RNF213: variants seen among roughly 807,000 people sequenced by gnomAD.
The protein encoded by RNF213 is ring finger protein 213.
RNF213 carries 341 observed loss-of-function variants against 514.4 expected under a neutral mutation model. The ratio of observed to expected loss-of-function variants is 0.66; its 90% CI spans 0.61 to 0.73. RNF213 has a LOEUF of 0.73. Among genes scored for constraint, RNF213 ranks in the 30% least tolerant of loss-of-function variants. RNF213 has a pLI of 0.00. For synonymous variants in RNF213, 2,655 were observed against 2,658.2 expected (o/e 1.00, Z 0.04); for missense variants, 5,767 against 6,615.6 (o/e 0.87, Z 4.45).
intron 16 of RNF213, among the ~76,000 whole-genome samples, chr17:80,318,597 G>A (rs1251656771): frequency 6.6e-6 from 1 of 151,290 alleles, no homozygotes; most frequent in Non-Finnish European, 1.5e-5. Flanking sequence ...TTTTTGAGAC[G>A]GGGTCTCGCT....
chr17:80,312,780 C>G (rs1339728754), intron 14 of RNF213, among the ~76,000 whole-genome samples: 1 of 152,164 alleles, frequency 6.6e-6, no homozygotes, highest in Non-Finnish European at 1.5e-5. Context: ...GATGCCGTTC[C>G]CTCCCTCCCT....
chr17:80,366,337 C>T (rs1305535168), intron 42 of RNF213, among the ~76,000 whole-genome samples: 1 of 152,138 alleles, frequency 6.6e-6, no homozygotes, highest in Admixed American at 6.5e-5. Context: ...TCCACGGGGG[C>T]TGCAGCATCT....
At position 80,347,725 on chromosome 17, in the gene RNF213, C is replaced by T; in HGVS notation, c.9390C>T (p.Asp3130=). The part of the protein sequence containing the change: ...YVHLGGQKYV[D]LGLGTHRVKC... ...ACCTCGGCGGCCAGAAGTACGTGGA[C>T]CTCGGTCTGGGGACCCACCGCGTCA... Residue 3130 remains aspartate, a synonymous_variant, in exon 29 of 68, where the codon GAC becomes GAT. Transcript: ENST00000582970. This position sits in a 1 kb window ranked among gnomAD's most constrained non-coding sequence, Gnocchi z 7.2. The T allele has an allele frequency of 6.2e-7, 1 of 1,614,130 alleles. No individual in the cohort carries two copies. Among genetic ancestry groups the T allele is most frequent in the East Asian group, 2.2e-5 (1 of 44,886 alleles).
chr17:80,289,823 G>A lies in RNF213; in HGVS notation c.1098G>A (p.Gln366=). 1.2e-6 allele frequency: 2 copies of A among 1,610,428 alleles called. No homozygotes were observed. The highest frequency in any genetic ancestry group is 1.7e-6 in the Non-Finnish European group (2 of 1,178,564). Residue 366 remains glutamine (Q), a synonymous_variant, in exon 6 of 68, where the codon CAG becomes CAA. Transcript: ENST00000582970. The part of the protein sequence containing the change: ...KEQKNQEADV[Q]EVKASTLSPG... ...AAAAAAACCAGGAAGCAGATGTCCA[G>A]GAAGTGAAGGCAAGGTAGGGATGCC...
Position 80,393,585 on chromosome 17 carries a change from G to A in RNF213, c.*87G>A, listed in dbSNP as rs942431842. On this transcript the variant is annotated 3_prime_UTR_variant, in exon 68 of 68. Coordinates refer to ENST00000582970, the MANE Select transcript of RNF213 (RefSeq NM_001256071.3). ...GGCGTGGACTTGATCATGGACTGGTGCCTTTGCATTCAGAAGGAGAGCTGT... is the reference window on the plus strand; with the variant it reads ...GGCGTGGACTTGATCATGGACTGGTACCTTTGCATTCAGAAGGAGAGCTGT... 6 of 1,435,094 alleles carry A rather than the reference G, an allele frequency of 4.2e-6. No homozygotes were observed. The highest frequency in any genetic ancestry group is 1.2e-5 in the South Asian group (1 of 85,134). The allele number at this position is 1,435,094 out of a possible 1,614,324, so 88.9% of individuals were successfully genotyped here. A position where few individuals can be genotyped will look rare whatever the true frequency, so the allele number is the denominator to read the frequency against.
chr17:80,354,721 T>TC, intron 36 of RNF213, 145 bp downstream of exon 36: 1 of 1,062,204 alleles, frequency 9.4e-7, no homozygotes. Flanking sequence ...GTAAAGTTTT[T>TC]CCCCAAGAAG....
rs2079012400 is a variant in RNF213 at position 80,360,432 on chromosome 17, T to C, written c.11200+226T>C. Reference sequence around the variant, plus strand: ...CGGGACCAGAAACCTTTCGATCCTATGGCAGCAGGAGCCTGTGAGATGGTT... The same window carrying C: ...CGGGACCAGAAACCTTTCGATCCTACGGCAGCAGGAGCCTGTGAGATGGTT... On this transcript the variant is annotated intron_variant, in intron 38 of 67. Coordinates refer to ENST00000582970, the MANE Select transcript of RNF213 (RefSeq NM_001256071.3). 16 of 569,798 alleles carry C rather than the reference T, an allele frequency of 2.8e-5. No individual in the cohort carries two copies. In the South Asian group the frequency reaches 3.1e-4, roughly 11 times the overall value. 35.3% of individuals were successfully genotyped at this position (569,798 alleles called of 1,614,324 possible). A position where few individuals can be genotyped will look rare whatever the true frequency, so the allele number is the denominator to read the frequency against.
chr17:80,289,626 C>A (rs1318980360), intron 5 of RNF213, 33 bp from the exon 6 acceptor site: 3 of 1,607,430 alleles, frequency 1.9e-6, no homozygotes, highest in Admixed American at 1.7e-5. Flanking sequence ...TGGAGGCCGG[C>A]CTTCAAGGTC....
chr17:80,372,907 G>A, intron 48 of RNF213, 68 bp from the exon 49 acceptor site: 1 of 1,514,434 alleles, frequency 6.6e-7, no homozygotes. Context: ...CCCTCTGGTT[G>A]GCCTTGTGTC....
At chr17:80,278,637 T>G in intron 3 of RNF213, 5 of 1,182,078 alleles carry the variant, frequency 4.2e-6, no homozygotes, top group Non-Finnish European at 4.7e-6. Context: ...AGTGCCCACA[T>G]GTGGGTGTCC....
intron 49 of RNF213, among the ~76,000 whole-genome samples, chr17:80,374,022 A>G (rs987988908): frequency 2.0e-5 from 3 of 151,410 alleles, no homozygotes; most frequent in Non-Finnish European, 1.5e-5. Context: ...AAAAAAAAAA[A>G]AAGAGGCTTC....
At chr17:80,390,339 C>A in intron 67 of RNF213, 143 bp downstream of exon 67, 2 of 948,606 alleles carry the variant, frequency 2.1e-6, no homozygotes, top group Non-Finnish European at 1.6e-6. Flanking sequence ...CACCTGAGGA[C>A]TGGCTTTTTG....
In RNF213 at chr17:80,344,866, C is replaced by A. The variant is rs769199487; in HGVS notation, c.6531C>A (p.Asn2177Lys). The A allele has an allele frequency of 1.9e-6, 3 of 1,614,194 alleles. No individual in the cohort carries two copies. The South Asian group carries it at 3.3e-5, about 18-fold the overall frequency. ...AGTATTTAAGACGATTCAATCAAAA[C>A]CAAGACCTAGACACGTTTCAGTATC... ...PYQYLRRFNQ[N>K]QDLDTFQYQE... Residue 2177 changes from asparagine to lysine, a missense_variant, in exon 29 of 68, where the codon AAC becomes AAA. By Grantham distance (94) the Asn-to-Lys change is moderately conservative. Transcript: ENST00000582970.
intron 31 of RNF213, 118 bp from the exon 32 acceptor site, chr17:80,351,567 G>A (rs560267510): frequency 3.2e-5 from 21 of 664,696 alleles, no homozygotes; most frequent in Middle Eastern, 4.0e-4. Flanking sequence ...CCGTGAGACC[G>A]AACCAACAGC....
In RNF213 at chr17:80,381,561, C is replaced by G; in HGVS notation, c.13812C>G (p.Ile4604Met). 1 of 1,614,172 alleles carries G rather than the reference C, an allele frequency of 6.2e-7. No homozygotes were observed. The highest frequency in any genetic ancestry group is 8.5e-7 in the Non-Finnish European group (1 of 1,180,016). ...TGCCCCCACAGGCTCTGATAAACAT[C>G]ATTAAGCCTCCAGTGAGGGATCCAA... ...ASQSSQALIN[I>M]IKPPVRDPKG... Residue 4604 changes from isoleucine (I) to methionine (M), a missense_variant, in exon 57 of 68, where the codon ATC becomes ATG. Transcript: ENST00000582970.
At chr17:80,322,816 C>T (rs968534614) in intron 17 of RNF213, among the ~76,000 whole-genome samples, 2 of 152,120 alleles carry the variant, frequency 1.3e-5, no homozygotes, top group Admixed American at 6.5e-5. Context: ...CAAGTATTTT[C>T]TCCCATTCTA....
Position 80,347,998 on chromosome 17 carries a change from C to G in RNF213, c.9663C>G (p.Tyr3221Ter). 6.2e-7 allele frequency: 1 copy of G among 1,613,918 alleles called. No homozygotes were observed. The part of the protein sequence containing the change: ...KYSPSDVFIG[Y>*]HSDACASVVL... ...GCCCCTCTGACGTCTTCATCGGCTA[C>G]CACTCGGACGCCTGCGCGTCTGTGG... is the stretch of plus-strand genomic sequence containing the variant. Residue 3221 changes from tyrosine to a stop codon, truncating the protein, a stop_gained, in exon 29 of 68, where the codon TAC (tyrosine) becomes TAG (stop). Coordinates refer to ENST00000582970, the MANE Select transcript of RNF213 (RefSeq NM_001256071.3). LOFTEE classifies it high-confidence loss of function. The surrounding 1 kb of genome is among the most constrained non-coding windows in gnomAD (Gnocchi z 7.2).
At chr17:80,389,464 C>A (rs866832718) in intron 65 of RNF213, 97 bp downstream of exon 65, 2 of 1,096,028 alleles carry the variant, frequency 1.8e-6, no homozygotes, top group African/African-American at 1.5e-5. Flanking sequence ...CCACTCTAGG[C>A]GCTCCTGAAA....
intron 3 of RNF213, among the ~76,000 whole-genome samples, chr17:80,276,798 A>G (rs898825263): frequency 6.6e-6 from 1 of 152,166 alleles, no homozygotes; most frequent in Non-Finnish European, 1.5e-5. Flanking sequence ...CACACCTGTC[A>G]TCCCAGCACT....
Sources: gnomAD v4.1 joint callset for allele counts (sites outside exome capture counted in the v4.1 genomes callset) on GRCh38, gnomAD v4.1.1 for gene constraint, Gnocchi (gnomAD v3.1) non-coding constraint, MANE v1.5 for transcripts, NCBI Gene and HGNC (gene_info 2026-07-23, HGNC 2026-07-21) for gene names.